TBC1D14: variants seen among roughly 807,000 people sequenced by gnomAD.
TBC1D14 encodes TBC1 domain family member 14, also known as TBC1 domain family, member 14.
A neutral mutation model predicts 79.0 loss-of-function variants in TBC1D14; 26 were observed. That is an observed-to-expected ratio of 0.33 (90% CI 0.24 to 0.46). The LOEUF (loss-of-function observed/expected upper bound fraction) is 0.46. TBC1D14 is among the 20% of genes least tolerant of loss of function. The probability of loss-of-function intolerance (pLI) is 1.00; values close to 1 mark genes in which losing one functional copy is unlikely to be tolerated. For synonymous variants in TBC1D14, 394 were observed against 349.9 expected (o/e 1.13, Z -1.40); for missense variants, 769 against 887.6 (o/e 0.87, Z 1.70).
chr4:7,001,440 C>T, intron 7 of TBC1D14, 189 bp downstream of exon 7: 1 of 567,514 alleles, frequency 1.8e-6, no homozygotes, highest in Non-Finnish European at 3.2e-6. Context: ...ACTCCGGTTA[C>T]CTGACAGCTC....
chr4:6,951,397 T>C (rs1232717392), intron 2 of TBC1D14, among the ~76,000 whole-genome samples: 1 of 151,960 alleles, frequency 6.6e-6, no homozygotes, highest in Non-Finnish European at 1.5e-5. Flanking sequence ...AATAGCTGGG[T>C]GTGGTAGCCT....
Position 6,954,162 on chromosome 4 carries a change from T to C in TBC1D14, c.723-13142T>C, listed in dbSNP as rs1714388364. On this transcript the variant is annotated intron_variant, in intron 2 of 13. Coordinates refer to ENST00000409757, the MANE Select transcript of TBC1D14 (RefSeq NM_020773.3). ...CTGCTGGGTCCAGCTTGCCTTCATCTGGCAGACGCGAGGGGCGGGGCTCCG... is the reference window on the plus strand; with the variant it reads ...CTGCTGGGTCCAGCTTGCCTTCATCCGGCAGACGCGAGGGGCGGGGCTCCG... 3 of 633,474 alleles carry C rather than the reference T, an allele frequency of 4.7e-6. No individual in the cohort carries two copies. In the African/African-American group the frequency reaches 5.4e-5, roughly 11 times the overall value. The allele number at this position is 633,474 out of a possible 1,614,324, so 39.2% of individuals were successfully genotyped here.
chr4:6,922,066 T>G (rs7689337), intron 1 of TBC1D14, among the ~76,000 whole-genome samples: 41,518 of 151,852 alleles, frequency 0.27, 5,858 homozygotes, highest in Admixed American at 0.32. Flanking sequence ...TTGTTTGTTT[T>G]TTTAGAGATA....
In TBC1D14 at chr4:7,010,774, A is replaced by G. The variant is rs1167958528; in HGVS notation, c.1640A>G (p.His547Arg). 10 of 1,613,656 alleles carry G rather than the reference A, an allele frequency of 6.2e-6. No individual in the cohort carries two copies. Among genetic ancestry groups the G allele is most frequent in the African/African-American group, 1.3e-5 (1 of 74,848 alleles). The stretch of plus-strand genomic sequence containing the variant: ...CAAATGGCGTTTTTTAGAGTGGACC[A>G]TGGCCTTGTGAGTATCCTCTGTGTT... ...PCQMAFFRVDHGLMLTYFAAF... is the reference protein window; with the variant it reads ...PCQMAFFRVDRGLMLTYFAAF... The change falls in exon 11 of 14, where the codon CAT (histidine) becomes CGT (arginine). Residue 547 changes from histidine (H) to arginine (R), a missense_variant. Physicochemically the swap from His to Arg is conservative, Grantham distance 29. Coordinates refer to ENST00000409757, the MANE Select transcript of TBC1D14 (RefSeq NM_020773.3).
At position 7,010,048 on chromosome 4, in the gene TBC1D14, G is replaced by A. The variant is rs187932176; in HGVS notation, c.1518+100G>A. On this transcript the variant is annotated intron_variant, in intron 10 of 13. Transcript: ENST00000409757. ...CTGCAAATGTCATGCCAGTGCCTTC[G>A]TTTTTGCCGAGGAGTATGAAAAGTC... The A allele has an allele frequency of 1.1e-5, 15 of 1,356,252 alleles. No individual in the cohort carries two copies. The South Asian group carries it at 1.2e-4, about 11-fold the overall frequency. The allele number at this position is 1,356,252 out of a possible 1,614,324, so 84.0% of individuals were successfully genotyped here. A position where few individuals can be genotyped will look rare whatever the true frequency, so the allele number is the denominator to read the frequency against.
intron 1 of TBC1D14, among the ~76,000 whole-genome samples, chr4:6,914,152 T>G (rs969438687): frequency 7.7e-5 from 10 of 130,280 alleles, no homozygotes; most frequent in Non-Finnish European, 1.4e-4. Flanking sequence ...AAAAAAAAAG[T>G]TCCACCTGTG....
intron 3 of TBC1D14, among the ~76,000 whole-genome samples, chr4:6,989,986 A>G (rs1251157469): frequency 6.6e-6 from 1 of 152,246 alleles, no homozygotes; most frequent in African/African-American, 2.4e-5. Context: ...TTTTGAAATT[A>G]TCCCCAGTTA....
At chr4:6,955,485 C>G (rs1378465582) in intron 2 of TBC1D14, among the ~76,000 whole-genome samples, 2 of 152,122 alleles carry the variant, frequency 1.3e-5, no homozygotes, top group African/African-American at 4.8e-5. Flanking sequence ...TGATAGTGCC[C>G]TGCACCAGGT....
At chr4:6,996,273 A>G (rs1719035145) in intron 4 of TBC1D14, 52 bp from the exon 5 acceptor site, 1 of 1,452,378 alleles carries the variant, frequency 6.9e-7, no homozygotes, top group Admixed American at 1.9e-5. Flanking sequence ...TTTTTCTGAA[A>G]GACTTCTATG....
chr4:6,998,358 TAAAAA>T (rs538598541), intron 5 of TBC1D14, among the ~76,000 whole-genome samples: 7 of 117,652 alleles, frequency 5.9e-5, no homozygotes, highest in Non-Finnish European at 1.8e-5. Context: ...AAACTCCGTC[TAAAAA>T]AAAAAAAAAA....
chr4:6,969,048 G>A (rs1012343962), intron 3 of TBC1D14, among the ~76,000 whole-genome samples: 1 of 152,162 alleles, frequency 6.6e-6, no homozygotes, highest in Non-Finnish European at 1.5e-5. Flanking sequence ...CATTCTTCAC[G>A]CGTCGGCAGG....
In TBC1D14 at chr4:6,954,155, C is replaced by T. The variant is rs1714387216; in HGVS notation, c.723-13149C>T. 5 of 630,324 alleles carry T rather than the reference C, an allele frequency of 7.9e-6. No individual in the cohort carries two copies. The East Asian group carries it at 8.3e-5, about 10-fold the overall frequency. The allele number at this position is 630,324 out of a possible 1,614,324, so 39.0% of individuals were successfully genotyped here. ...CGCCGGCCTGCTGGGTCCAGCTTGC[C>T]TTCATCTGGCAGACGCGAGGGGCGG... On this transcript the variant is annotated intron_variant, in intron 2 of 13. Transcript: ENST00000409757.
At chr4:6,965,002 T>C (rs1715573435) in intron 2 of TBC1D14, among the ~76,000 whole-genome samples, 2 of 152,214 alleles carry the variant, frequency 1.3e-5, no homozygotes, top group Admixed American at 1.3e-4. Flanking sequence ...AGATACCATG[T>C]CTGTTTACCC....
At chr4:7,001,103 T>TGA (rs1441472289) in intron 6 of TBC1D14, 42 bp from the exon 7 acceptor site, 1 of 1,573,152 alleles carries the variant, frequency 6.4e-7, no homozygotes, top group South Asian at 1.1e-5. Context: ...CAAATGTCTT[T>TGA]GTGTGGAACA....
chr4:7,025,802 C>G (rs960067984), intron 13 of TBC1D14, among the ~76,000 whole-genome samples: 1 of 152,222 alleles, frequency 6.6e-6, no homozygotes, highest in African/African-American at 2.4e-5. Flanking sequence ...GTGCCCCAAA[C>G]AGTGGCGCGG....
chr4:6,942,826 G>C (rs1372066621), intron 2 of TBC1D14, among the ~76,000 whole-genome samples: 2 of 152,116 alleles, frequency 1.3e-5, no homozygotes, highest in Non-Finnish European at 2.9e-5. Flanking sequence ...CTAATACCTG[G>C]CTGTTCATTC....
upstream of TBC1D14, among the ~76,000 whole-genome samples, chr4:6,909,659 ACAGCCGGGCGAGCGCCGAGCTC>A (rs2108885496): frequency 6.6e-6 from 1 of 151,346 alleles, no homozygotes; most frequent in Admixed American, 6.6e-5. Context: ...CGGAAGAGGG[ACAGCCGGGCGAGCGCCGAGCTC>A]CAGACGCGGC....
intron 7 of TBC1D14, among the ~76,000 whole-genome samples, chr4:7,003,628 T>C (rs533076844): frequency 1.3e-5 from 2 of 152,306 alleles, no homozygotes; most frequent in Non-Finnish European, 2.9e-5. Flanking sequence ...ATTCCATGGG[T>C]AGCTGCAATT....
intron 2 of TBC1D14, among the ~76,000 whole-genome samples, chr4:6,965,133 C>T (rs1715583014): frequency 6.6e-6 from 1 of 151,288 alleles, no homozygotes; most frequent in Non-Finnish European, 1.5e-5. Flanking sequence ...CAGTCTGTAA[C>T]CATACTTCAT....
Sources: allele counts gnomAD v4.1 joint callset (sites outside exome capture counted in the v4.1 genomes callset), GRCh38; gene constraint gnomAD v4.1.1; transcripts MANE v1.5; gene names NCBI Gene and HGNC (gene_info 2026-07-23, HGNC 2026-07-21).